THSD7A: variants seen among roughly 807,000 people sequenced by gnomAD.
The protein encoded by THSD7A is thrombospondin type 1 domain containing 7A.
Under a neutral mutation model 231.3 loss-of-function variants are expected in THSD7A, and 96 were observed. That is an observed-to-expected ratio of 0.41 (90% CI 0.35 to 0.49). THSD7A has a LOEUF of 0.49. Ranked by LOEUF, THSD7A falls within the 20% of genes least tolerant of loss-of-function variation. The probability of loss-of-function intolerance (pLI) is 0.05; values close to 1 mark genes in which losing one functional copy is unlikely to be tolerated. For missense variants in THSD7A, 2,290 were observed against 2,070.2 expected (o/e 1.11, Z -2.06); for synonymous variants, 940 against 743.3 (o/e 1.26, Z -4.30).
At chr7:11,404,833 G>T (rs772140448) in intron 22 of THSD7A, among the ~76,000 whole-genome samples, 5 of 151,830 alleles carry the variant, frequency 3.3e-5, no homozygotes, top group East Asian at 1.9e-4. Flanking sequence ...ACATTTTTAG[G>T]TATACAATAC....
chr7:11,404,456 T>C (rs1783515381), intron 22 of THSD7A, among the ~76,000 whole-genome samples: 1 of 152,226 alleles, frequency 6.6e-6, no homozygotes, highest in Non-Finnish European at 1.5e-5. Context: ...AAAGTAGGCC[T>C]TACAACTTTT....
intron 7 of THSD7A, among the ~76,000 whole-genome samples, chr7:11,477,322 C>A (rs1430814169): frequency 1.3e-5 from 2 of 152,112 alleles, no homozygotes; most frequent in Non-Finnish European, 2.9e-5. Flanking sequence ...TTCCTCATGA[C>A]TAGATTCTAT....
intron 7 of THSD7A, among the ~76,000 whole-genome samples, chr7:11,475,238 G>T (rs17164640): frequency 0.2 from 30,866 of 151,982 alleles, 3,619 homozygotes; most frequent in African/African-American, 0.33. Flanking sequence ...TGCTTCTAAC[G>T]TTTCCTGCTA....
At chr7:11,766,751 C>A (rs78124138) in intron 1 of THSD7A, among the ~76,000 whole-genome samples, 2,815 of 152,202 alleles carry the variant, frequency 0.018, 100 homozygotes, top group African/African-American at 0.064. Flanking sequence ...AGAACAGAGG[C>A]AGGCAGAGGA....
chr7:11,695,696 A>T (rs1460215313), intron 1 of THSD7A, among the ~76,000 whole-genome samples: 1 of 151,546 alleles, frequency 6.6e-6, no homozygotes, highest in Non-Finnish European at 1.5e-5. Flanking sequence ...GTCCAAAGAT[A>T]GTAGGTTAGG....
chr7:11,808,154 C>CGA (rs1562569623), intron 1 of THSD7A, among the ~76,000 whole-genome samples: 3 of 150,892 alleles, frequency 2.0e-5, no homozygotes, highest in African/African-American at 7.3e-5. Context: ...TAGAAAGAGA[C>CGA]CACACACACA....
At chr7:11,569,230 CAG>C (rs1025390207) in intron 4 of THSD7A, among the ~76,000 whole-genome samples, 1 of 152,110 alleles carries the variant, frequency 6.6e-6, no homozygotes, top group African/African-American at 2.4e-5. Flanking sequence ...AAATAATCAA[CAG>C]AGTGAAGAGA....
rs1784623113 is a variant in THSD7A at position 11,814,533 on chromosome 7, A to G, written c.190+17224T>C. Among the ~76,000 whole-genome samples, 1 of 152,150 alleles carries G rather than the reference A, an allele frequency of 6.6e-6. No individual in the cohort carries two copies. Among genetic ancestry groups the G allele is most frequent in the African/African-American group, 2.4e-5 (1 of 41,436 alleles). ...TTTCATCATGATTTGGGAAATCATG[A>G]CTTTCATGATTCTGCAGTGCTTGAT... On this transcript the variant is annotated intron_variant, in intron 1 of 27. Transcript: ENST00000423059. This position sits in a 1 kb window ranked among gnomAD's most constrained non-coding sequence, Gnocchi z 5.1.
chr7:11,756,641 A>G (rs1056219178), intron 1 of THSD7A, among the ~76,000 whole-genome samples: 7 of 152,112 alleles, frequency 4.6e-5, no homozygotes. Flanking sequence ...AAGAAAAAGG[A>G]GAGAGATGTG....
intron 2 of THSD7A, among the ~76,000 whole-genome samples, chr7:11,622,848 G>C (rs1781361418): frequency 6.6e-6 from 1 of 152,156 alleles, no homozygotes; most frequent in Admixed American, 6.6e-5. Flanking sequence ...AACAAAGTAA[G>C]AGCCAAGTTA....
intron 17 of THSD7A, among the ~76,000 whole-genome samples, chr7:11,414,250 A>G (rs1783885825): frequency 6.6e-6 from 1 of 152,238 alleles, no homozygotes; most frequent in African/African-American, 2.4e-5. Flanking sequence ...GATGTACAGT[A>G]AGGGTTTCTG....
intron 1 of THSD7A, among the ~76,000 whole-genome samples, chr7:11,807,083 T>C (rs1458454689): frequency 6.6e-6 from 1 of 152,122 alleles, no homozygotes; most frequent in Non-Finnish European, 1.5e-5. Context: ...TGGACCCAAG[T>C]GATCACTACT....
intron 1 of THSD7A, among the ~76,000 whole-genome samples, chr7:11,758,066 C>T (rs1222671908): frequency 6.7e-6 from 1 of 148,372 alleles, no homozygotes; most frequent in Non-Finnish European, 1.5e-5. Flanking sequence ...ATCACAAAGC[C>T]CCTAATAAAT....
At chr7:11,475,440 G>A (rs987253935) in intron 7 of THSD7A, among the ~76,000 whole-genome samples, 5 of 151,898 alleles carry the variant, frequency 3.3e-5, no homozygotes, top group African/African-American at 9.7e-5. Context: ...TGAAGCCTGC[G>A]TAAGTCCTGT....
At chr7:11,696,602 A>G (rs1450122456) in intron 1 of THSD7A, among the ~76,000 whole-genome samples, 3 of 150,756 alleles carry the variant, frequency 2.0e-5, no homozygotes, top group Non-Finnish European at 4.4e-5. Flanking sequence ...CCTCCCCCCG[A>G]CAGGCCCCGC....
chr7:11,621,836 A>G (rs1302084476), intron 2 of THSD7A, among the ~76,000 whole-genome samples: 3 of 152,296 alleles, frequency 2.0e-5, no homozygotes, highest in South Asian at 4.1e-4. Context: ...TTATTTGAAG[A>G]TCAAAATACT....
chr7:11,516,914 A>T (rs963960704), intron 6 of THSD7A, among the ~76,000 whole-genome samples: 4 of 152,154 alleles, frequency 2.6e-5, no homozygotes, highest in Non-Finnish European at 4.4e-5. Context: ...CCAGAATTGC[A>T]GTCATGGTCA....
chr7:11,648,229 T>C (rs763119825), intron 1 of THSD7A, among the ~76,000 whole-genome samples: 1 of 152,054 alleles, frequency 6.6e-6, no homozygotes, highest in Non-Finnish European at 1.5e-5. Flanking sequence ...CATTATCCTT[T>C]AGAGCCATAA....
intron 1 of THSD7A, among the ~76,000 whole-genome samples, chr7:11,716,632 G>T (rs10272170): frequency 0.034 from 5,207 of 151,556 alleles, 288 homozygotes; most frequent in African/African-American, 0.12. Context: ...TACAGTAGGG[G>T]TTTTTTTAAA....
Sources: allele counts gnomAD v4.1 joint callset (sites outside exome capture counted in the v4.1 genomes callset), GRCh38; gene constraint gnomAD v4.1.1; non-coding constraint Gnocchi (gnomAD v3.1); transcripts MANE v1.5; gene names NCBI Gene and HGNC (gene_info 2026-07-23, HGNC 2026-07-21).